Variants in PRKCSH observed in about 807,000 individuals in gnomAD.
The protein encoded by PRKCSH is glucosidase 2 subunit beta.
Under a neutral mutation model 79.7 loss-of-function variants are expected in PRKCSH, and 42 were observed. The ratio of observed to expected loss-of-function variants is 0.53; its 90% confidence interval spans 0.41 to 0.68. PRKCSH has a LOEUF of 0.68. PRKCSH is among the 30% of genes least tolerant of loss of function. PRKCSH has a pLI of 0.00. For missense variants in PRKCSH, 686 were observed against 709.0 expected (o/e 0.97, Z 0.37); for synonymous variants, 325 against 288.2 (o/e 1.13, Z -1.29).
chr19:11,448,223 T>G lies in PRKCSH; in HGVS notation c.1128T>G (p.Ala376=). The change falls in exon 13 of 18, where the codon GCT becomes GCG. Residue 376 remains alanine, a splice_region_variant and synonymous_variant. Transcript: ENST00000677123. This position sits in a 1 kb window ranked among gnomAD's most constrained non-coding sequence, Gnocchi z 4.4. ...TCTGACCTCCAACCCCTCTCCCAGC[T>G]GCCCAGGAGGCCCGCAACAAGTTCG... ...YDEQTQAFID[A]AQEARNKFEE... 6.4e-7 allele frequency: 1 copy of G among 1,557,396 alleles called. No homozygotes were observed. Among genetic ancestry groups the G allele is most frequent in the South Asian group, 1.2e-5 (1 of 84,470 alleles).
chr19:11,436,862 TTG>T (rs1368707898), intron 3 of PRKCSH: 2 of 347,274 alleles, frequency 5.8e-6, no homozygotes, highest in Non-Finnish European at 1.1e-5. Flanking sequence ...CTTTTTGTTT[TTG>T]TGTGTTTTGA....
intron 5 of PRKCSH, chr19:11,440,950 C>CCA: frequency 2.5e-6 from 1 of 404,968 alleles, no homozygotes; most frequent in Non-Finnish European, 4.7e-6. Flanking sequence ...CAGGCATGAA[C>CCA]CACTGCACCC....
chr19:11,442,450 C>T lies in PRKCSH; in HGVS notation c.533C>T (p.Thr178Ile). 1.2e-6 allele frequency: 2 copies of T among 1,612,106 alleles called. No individual in the cohort carries two copies. Among genetic ancestry groups the T allele is most frequent in the Non-Finnish European group, 1.7e-6 (2 of 1,179,358 alleles). ...GAAGACCAGGTGGAGATGCTGCGGA[C>T]AGTGAAGGAGGAAGCTGAGAAGCCA... ...SLEDQVEMLR[T>I]VKEEAEKPER... The change falls in exon 7 of 18, where the codon ACA becomes ATA. Residue 178 changes from threonine to isoleucine, a missense_variant. Transcript: ENST00000677123.
intron 5 of PRKCSH, 95 bp from the exon 6 acceptor site, chr19:11,441,145 G>A: frequency 1.6e-6 from 2 of 1,216,104 alleles, no homozygotes; most frequent in South Asian, 2.4e-5. Context: ...ATGGCTTGGT[G>A]GGGGGCCACA....
chr19:11,440,988 A>G (rs1354632052), intron 5 of PRKCSH: 2 of 462,344 alleles, frequency 4.3e-6, no homozygotes, highest in Non-Finnish European at 8.1e-6. Flanking sequence ...TTGAGAGTTG[A>G]TATCTAGCTC....
At chr19:11,441,186 C>G (rs1358425008) in intron 5 of PRKCSH, 54 bp from the exon 6 acceptor site, 1 of 1,571,176 alleles carries the variant, frequency 6.4e-7, no homozygotes, top group Non-Finnish European at 8.8e-7. Context: ...AAGAGGCAGA[C>G]CTGGTGGATC....
In PRKCSH at chr19:11,447,786, G is replaced by A. The variant is rs754967274; in HGVS notation, c.1123G>A (p.Asp375Asn). 5.1e-6 allele frequency: 8 copies of A among 1,572,052 alleles called. No individual in the cohort carries two copies. The highest frequency in any genetic ancestry group is 1.9e-5 in the Admixed American group (1 of 53,906). ...PYDEQTQAFI[D>N]AAQEARNKFE... ...CGACGAGCAGACGCAGGCCTTCATC[G>A]ATGGTGAGGGTGGGCGGGGGCCAGG... The change falls in exon 12 of 18, where the codon GAT (aspartate) becomes AAT (asparagine). Residue 375 changes from aspartate to asparagine, a missense_variant. Physicochemically the swap from Asp to Asn is conservative, Grantham distance 23. Transcript: ENST00000677123. The surrounding 1 kb of genome is among the most constrained non-coding windows in gnomAD (Gnocchi z 5.6).
rs1162852287 is a variant in PRKCSH, at chr19:11,448,681, C to T, written c.1286+52C>T. 2 of 1,549,148 alleles carry T rather than the reference C, an allele frequency of 1.3e-6. No individual in the cohort carries two copies. The highest frequency in any genetic ancestry group is 2.2e-5 in the South Asian group (2 of 89,782). The stretch of plus-strand genomic sequence containing the variant: ...CACTGGCAGGGTGGGAGGCGGGTGG[C>T]CCCGGAAGTGGCACCGGCAGTTTCC... On this transcript the variant is annotated intron_variant, in intron 14 of 17. Coordinates refer to ENST00000677123, the MANE Select transcript of PRKCSH (RefSeq NM_001289104.2). The surrounding 1 kb of genome is among the most constrained non-coding windows in gnomAD (Gnocchi z 4.4).
In PRKCSH at chr19:11,447,366, GGGC is replaced by G; in HGVS notation, c.850-72_850-70del. 1 of 1,524,400 alleles carries G rather than the reference GGGC, an allele frequency of 6.6e-7. No homozygotes were observed. The highest frequency in any genetic ancestry group is 9.0e-7 in the Non-Finnish European group (1 of 1,108,066). The allele number at this position is 1,524,400 out of a possible 1,614,324, so 94.4% of individuals were successfully genotyped here. Reference sequence around the variant, plus strand: ...GGCAGAGACACCGAGGCTGCCCCTTGGGCTGTGGTGTGAGCCTGAGGGTGTGGG... The same window carrying G: ...GGCAGAGACACCGAGGCTGCCCCTTGTGTGGTGTGAGCCTGAGGGTGTGGG... On this transcript the variant is annotated intron_variant, in intron 10 of 17. Coordinates refer to ENST00000677123, the MANE Select transcript of PRKCSH (RefSeq NM_001289104.2). The surrounding 1 kb of genome is among the most constrained non-coding windows in gnomAD (Gnocchi z 5.6).
chr19:11,438,068 C>A lies in PRKCSH; in HGVS notation c.294C>A (p.Asp98Glu), dbSNP rs1160860581. 6.2e-7 allele frequency: 1 copy of A among 1,614,146 alleles called. No individual in the cohort carries two copies. The highest frequency in any genetic ancestry group is 1.7e-5 in the Admixed American group (1 of 59,996). The change falls in exon 5 of 18, where the codon GAC becomes GAA. Residue 98 changes from aspartate (D) to glutamate (E), a missense_variant and splice_region_variant. Physicochemically the swap from Asp to Glu is conservative, Grantham distance 45 (BLOSUM62 2). This residue lies in a region of PRKCSH where 549 missense variants were observed against 520.2 expected (regional missense o/e 1.06). Transcript: ENST00000677123. ...TCTTGGCTTCTGCCTCTGCCACAGA[C>A]TGCTGCGATGGAACAGACGAGTACA... is the stretch of plus-strand genomic sequence containing the variant. Reference protein sequence around the residue: ...PSNRVNDGVCDCCDGTDEYNS... With the variant: ...PSNRVNDGVCECCDGTDEYNS...
chr19:11,440,672 C>G (rs1376143378), intron 5 of PRKCSH, among the ~76,000 whole-genome samples: 1 of 151,944 alleles, frequency 6.6e-6, no homozygotes, highest in Non-Finnish European at 1.5e-5. Context: ...AGGCTGGTCT[C>G]GAACTCCTGA....
chr19:11,448,124 A>T lies in PRKCSH; in HGVS notation c.1127-98A>T. On this transcript the variant is annotated intron_variant, in intron 12 of 17. Coordinates refer to ENST00000677123, the MANE Select transcript of PRKCSH (RefSeq NM_001289104.2). The surrounding 1 kb of genome is among the most constrained non-coding windows in gnomAD (Gnocchi z 4.4). ...GGGTGAAGTCCTTGGCCAGAGCAAA[A>T]TGAGGGTATGGGAGCACACAGCCAC... The T allele has an allele frequency of 7.7e-7, 1 of 1,298,872 alleles. No individual in the cohort carries two copies. Among genetic ancestry groups the T allele is most frequent in the East Asian group, 2.5e-5 (1 of 39,544 alleles). The allele number at this position is 1,298,872 out of a possible 1,614,324, so 80.5% of individuals were successfully genotyped here.
At chr19:11,438,282 C>A (rs1599484607) in intron 5 of PRKCSH, among the ~76,000 whole-genome samples, 158 bp downstream of exon 5, 1 of 152,098 alleles carries the variant, frequency 6.6e-6, no homozygotes, top group East Asian at 1.9e-4. Flanking sequence ...TCCCTCTAGT[C>A]TGGAAGCAGG....
chr19:11,440,828 T>A (rs1057336514), intron 5 of PRKCSH, among the ~76,000 whole-genome samples: 7 of 152,058 alleles, frequency 4.6e-5, no homozygotes, highest in Non-Finnish European at 7.4e-5. Context: ...GTGGTTTTTT[T>A]ATTTGTTTTA....
chr19:11,449,101 G>A lies in PRKCSH; in HGVS notation c.1387G>A (p.Asp463Asn), dbSNP rs372962672. The A allele has an allele frequency of 3.7e-6, 6 of 1,613,484 alleles. No individual in the cohort carries two copies. The highest frequency in any genetic ancestry group is 2.7e-5 in the African/African-American group (2 of 74,908). The change falls in exon 16 of 18, where the codon GAC (aspartate) becomes AAC (asparagine). Residue 463 changes from aspartate to asparagine, a missense_variant. Coordinates refer to ENST00000677123, the MANE Select transcript of PRKCSH (RefSeq NM_001289104.2). The surrounding 1 kb of genome is among the most constrained non-coding windows in gnomAD (Gnocchi z 6.4). ...LGTWGSWIGP[D>N]HDKFSAMKYE... ...CACCTGGGGCTCATGGATTGGCCCC[G>A]ACCACGACAAGTTCAGTGCCATGAA...
rs1230643983 is a variant in PRKCSH at position 11,436,327 on chromosome 19, G to GA, written c.80-61dup. 3 of 1,577,690 alleles carry GA rather than the reference G, an allele frequency of 1.9e-6. No homozygotes were observed. The South Asian group carries it at 3.3e-5, about 17-fold the overall frequency. On this transcript the variant is annotated intron_variant, in intron 2 of 17. Transcript: ENST00000677123. ...CTCCGCTGGTGGGGATGGGAGGACA[G>GA]AGGTGGTATTTGGTGGAGAAGGCGC...
rs540593191 is a variant in PRKCSH at position 11,448,965 on chromosome 19, C to G, written c.1338C>G (p.Leu446=). The G allele has an allele frequency of 1.2e-6, 2 of 1,614,060 alleles. No individual in the cohort carries two copies. Among genetic ancestry groups the G allele is most frequent in the Admixed American group, 3.3e-5 (2 of 60,008 alleles). The change falls in exon 15 of 18, where the codon CTC becomes CTG. Residue 446 remains leucine, a synonymous_variant. Transcript: ENST00000677123. This position sits in a 1 kb window ranked among gnomAD's most constrained non-coding sequence, Gnocchi z 4.4. ...PFKLVSQKPK[L]GGSPTSLGTW... is the part of the protein sequence containing the mutation. ...AGCTTGTCTCGCAGAAACCCAAACT[C>G]GGGGGCTCTCCCACCAGCCTTGGGT... is the stretch of plus-strand genomic sequence containing the variant.
In PRKCSH at chr19:11,440,896, C is replaced by T. The variant is rs140482520; in HGVS notation, c.351-344C>T. On this transcript the variant is annotated intron_variant, in intron 5 of 17. Coordinates refer to ENST00000677123, the MANE Select transcript of PRKCSH (RefSeq NM_001289104.2). ...CCCAGGCTGGTTGCGAACTCCTGGG[C>T]TCAAGTGATCCTCCTGCCTTGGCCT... is the stretch of plus-strand genomic sequence containing the variant. Among the ~76,000 whole-genome samples the T allele has an allele frequency of 1.9e-3, 294 of 152,264 alleles. 2 individuals carry two copies. Among genetic ancestry groups the T allele is most frequent in the African/African-American group, 6.8e-3 (284 of 41,552 alleles).
chr19:11,443,151 G>A (rs532454058), intron 7 of PRKCSH, among the ~76,000 whole-genome samples: 72 of 152,232 alleles, frequency 4.7e-4, no homozygotes, highest in African/African-American at 1.5e-3. Context: ...GGTGGCTCAC[G>A]CCTGTAATCC....
Sources: allele counts gnomAD v4.1 joint callset (sites outside exome capture counted in the v4.1 genomes callset), GRCh38; gene constraint gnomAD v4.1.1; regional missense constraint gnomAD v4.1.1; non-coding constraint Gnocchi (gnomAD v3.1); transcripts MANE v1.5; gene names NCBI Gene and HGNC (gene_info 2026-07-23, HGNC 2026-07-21).